The following HNF4G variants were observed in gnomAD, a reference collection of about 807,000 sequenced individuals.
HNF4G encodes hepatocyte nuclear factor 4-gamma.
HNF4G carries 21 observed loss-of-function variants against 50.9 expected under a neutral mutation model. That is an observed-to-expected ratio of 0.41 (90% confidence interval 0.29 to 0.59). HNF4G has a LOEUF of 0.59. HNF4G is among the 20% of genes least tolerant of loss of function. The pLI, the probability that HNF4G is intolerant of heterozygous loss-of-function variation, is 0.26. For synonymous variants in HNF4G, 198 were observed against 185.6 expected, an observed-to-expected ratio of 1.07 and a Z score of -0.54; for missense variants, 527 against 559.4, an observed-to-expected ratio of 0.94 and a Z score of 0.58.
intron 1 of HNF4G, among the ~76,000 whole-genome samples, chr8:75,415,803 T>C (rs1205677964): frequency 5.9e-5 from 9 of 151,988 alleles, no homozygotes; most frequent in African/African-American, 2.2e-4. Flanking sequence ...CATGTATATG[T>C]ACATTTAATG....
Position 75,464,283 on chromosome 8 carries a change from T to C in HNF4G, c.-143-25806T>C, listed in dbSNP as rs142920092. 7.7e-3 allele frequency among the ~76,000 whole-genome samples: 1,167 copies of C among 152,304 alleles called. 18 individuals carry two copies. Among genetic ancestry groups the C allele is most frequent in the African/African-American group, 0.027 (1,104 of 41,558 alleles). ...TTTGAAATCATTTCAAATTTACATT[T>C]TCTTTAGATTTATATTTACTTAATA... On this transcript the variant is annotated intron_variant, in intron 1 of 10. Transcript: ENST00000354370.
intron 2 of HNF4G, among the ~76,000 whole-genome samples, chr8:75,511,864 C>T (rs1805762891): frequency 6.6e-6 from 1 of 152,236 alleles, no homozygotes; most frequent in South Asian, 2.1e-4. Context: ...AGGCGTGAGC[C>T]ACCACGCCTG....
At chr8:75,495,943 A>T (rs931733761) in intron 2 of HNF4G, among the ~76,000 whole-genome samples, 2 of 152,182 alleles carry the variant, frequency 1.3e-5, no homozygotes, top group African/African-American at 4.8e-5. Flanking sequence ...TGTCCCTATT[A>T]TTGATCAATT....
chr8:75,521,878 A>C (rs1356863639), intron 2 of HNF4G, among the ~76,000 whole-genome samples: 3 of 152,250 alleles, frequency 2.0e-5, no homozygotes, highest in East Asian at 1.9e-4. Context: ...CATTCCCCCC[A>C]CACACAGTCC....
intron 6 of HNF4G, among the ~76,000 whole-genome samples, chr8:75,556,967 A>T (rs1297985426): frequency 6.6e-6 from 1 of 152,166 alleles, no homozygotes; most frequent in Non-Finnish European, 1.5e-5. Flanking sequence ...AGGTGAAGAA[A>T]TGGAGACAGA....
At chr8:75,419,978 C>A (rs527782462) in intron 1 of HNF4G, among the ~76,000 whole-genome samples, 1 of 152,242 alleles carries the variant, frequency 6.6e-6, no homozygotes, top group Admixed American at 6.5e-5. Context: ...CACTCAGCAC[C>A]ATTTCTGGCA....
At chr8:75,512,607 G>A (rs976961069) in intron 2 of HNF4G, among the ~76,000 whole-genome samples, 3 of 151,908 alleles carry the variant, frequency 2.0e-5, no homozygotes, top group Admixed American at 2.0e-4. Context: ...TGGGACTACA[G>A]GCGCCAGCCA....
intron 1 of HNF4G, among the ~76,000 whole-genome samples, chr8:75,478,133 G>A (rs530654989): frequency 6.6e-5 from 10 of 152,092 alleles, no homozygotes; most frequent in Non-Finnish European, 1.0e-4. Flanking sequence ...GCAACATGGC[G>A]GAACCCCGTA....
At chr8:75,487,555 C>G (rs1812526243) in intron 1 of HNF4G, among the ~76,000 whole-genome samples, 1 of 152,134 alleles carries the variant, frequency 6.6e-6, no homozygotes, top group South Asian at 2.1e-4. Flanking sequence ...TTCTTTGACC[C>G]AAAAGTCTTC....
At chr8:75,505,619 C>T (rs1813059447) in intron 2 of HNF4G, among the ~76,000 whole-genome samples, 1 of 151,454 alleles carries the variant, frequency 6.6e-6, no homozygotes, top group African/African-American at 2.4e-5. Context: ...ACTGCCTTGT[C>T]GTTTACAAAC....
chr8:75,551,378 T>A lies in HNF4G; in HGVS notation c.383-10T>A. 1 of 1,544,024 alleles carries A rather than the reference T, an allele frequency of 6.5e-7. No homozygotes were observed. Among genetic ancestry groups the A allele is most frequent in the Non-Finnish European group, 9.0e-7 (1 of 1,116,500 alleles). On this transcript the variant is annotated splice_polypyrimidine_tract_variant and intron_variant, in intron 3 of 9. Coordinates refer to ENST00000396423, the MANE Select transcript of HNF4G (RefSeq NM_004133.5). ...AAGTGCTCAATAAATACTGTGTTTT[T>A]TCCCCCTAGCTGTACAAAATGAACG...
chr8:75,522,189 A>G (rs1304586243), intron 2 of HNF4G, among the ~76,000 whole-genome samples: 1 of 152,200 alleles, frequency 6.6e-6, no homozygotes. Flanking sequence ...TTGTTATGCT[A>G]GTATATTAGT....
chr8:75,410,358 T>C (rs1177882177), intron 1 of HNF4G, among the ~76,000 whole-genome samples: 1 of 152,210 alleles, frequency 6.6e-6, no homozygotes, highest in Non-Finnish European at 1.5e-5. Context: ...CAATCTACTG[T>C]TGAAAAATTG....
intron 1 of HNF4G, among the ~76,000 whole-genome samples, chr8:75,419,648 T>C (rs1018643002): frequency 6.6e-6 from 1 of 152,194 alleles, no homozygotes; most frequent in African/African-American, 2.4e-5. Flanking sequence ...ACAACTGTGA[T>C]TGCAGTACAA....
intron 2 of HNF4G, among the ~76,000 whole-genome samples, chr8:75,529,867 T>A (rs1806282678): frequency 6.6e-6 from 1 of 152,126 alleles, no homozygotes; most frequent in Non-Finnish European, 1.5e-5. Flanking sequence ...AATATTTAAT[T>A]TTTAAACACT....
At chr8:75,505,204 C>T (rs1016660037) in intron 2 of HNF4G, among the ~76,000 whole-genome samples, 1 of 152,118 alleles carries the variant, frequency 6.6e-6, no homozygotes, top group Non-Finnish European at 1.5e-5. Flanking sequence ...TTACTGATTT[C>T]TAAACTCAAC....
At chr8:75,502,148 G>A (rs184654230) in intron 2 of HNF4G, among the ~76,000 whole-genome samples, 12 of 152,244 alleles carry the variant, frequency 7.9e-5, no homozygotes, top group African/African-American at 2.6e-4. Context: ...ACCGCGCCTG[G>A]CCCTGAAGTC....
chr8:75,461,280 CT>C (rs1490095769), intron 1 of HNF4G, among the ~76,000 whole-genome samples: 1 of 152,058 alleles, frequency 6.6e-6, no homozygotes, highest in Admixed American at 6.6e-5. Flanking sequence ...TTTTCCTTCC[CT>C]TTTTTAGCTT....
At chr8:75,511,439 A>G (rs149128543) in intron 2 of HNF4G, among the ~76,000 whole-genome samples, 154 of 152,250 alleles carry the variant, frequency 1.0e-3, no homozygotes, top group African/African-American at 3.5e-3. Flanking sequence ...TTTCTCTTCT[A>G]TTATATATCA....
Sources: allele counts gnomAD v4.1 joint callset (sites outside exome capture counted in the v4.1 genomes callset), GRCh38; gene constraint gnomAD v4.1.1; transcripts MANE v1.5; gene names NCBI Gene and HGNC (gene_info 2026-07-23, HGNC 2026-07-21).